Variants in RHOH observed in about 807,000 individuals in gnomAD.
RHOH encodes rho-related GTP-binding protein RhoH.
A neutral mutation model predicts 13.8 loss-of-function variants in RHOH; 6 were observed. The observed-to-expected ratio is 0.44, with a 90% CI of 0.24 to 0.86. The LOEUF (loss-of-function observed/expected upper bound fraction) is 0.86. Among genes scored for constraint, RHOH ranks in the 40% least tolerant of loss-of-function variants. The pLI is 0.24. For synonymous variants in RHOH, 117 were observed against 103.0 expected, an observed-to-expected ratio of 1.14 and a Z score of -0.82; for missense variants, 147 against 244.5, an observed-to-expected ratio of 0.60 and a Z score of 2.66.
At chr4:40,222,481 C>T (rs1726703748) in intron 1 of RHOH, among the ~76,000 whole-genome samples, 1 of 152,190 alleles carries the variant, frequency 6.6e-6, no homozygotes, top group African/African-American at 2.4e-5. Flanking sequence ...ATCTACTTTG[C>T]CTGTGCTCTA....
At chr4:40,204,944 C>T (rs113406317) in intron 1 of RHOH, among the ~76,000 whole-genome samples, 5 of 152,312 alleles carry the variant, frequency 3.3e-5, no homozygotes, top group Non-Finnish European at 7.4e-5. Flanking sequence ...TACTTATCAG[C>T]TCGTGATGCC....
chr4:40,205,053 A>G (rs1724485828), intron 1 of RHOH, among the ~76,000 whole-genome samples: 1 of 152,190 alleles, frequency 6.6e-6, no homozygotes, highest in Non-Finnish European at 1.5e-5. Context: ...ATCTGAGGTC[A>G]GGAGTTCGAA....
At chr4:40,229,103 T>C (rs1727584974) in intron 1 of RHOH, among the ~76,000 whole-genome samples, 1 of 152,188 alleles carries the variant, frequency 6.6e-6, no homozygotes, top group African/African-American at 2.4e-5. Context: ...GTAGAGTCTG[T>C]ATTGAAGCGC....
upstream of RHOH, chr4:40,192,874 A>C (rs756082834): frequency 2.0e-5 from 3 of 152,226 alleles, no homozygotes; most frequent in South Asian, 2.1e-4. Flanking sequence ...AATGGGGTGA[A>C]TCTTGGTTCT....
At chr4:40,224,140 T>C (rs1726946638) in intron 1 of RHOH, among the ~76,000 whole-genome samples, 1 of 152,208 alleles carries the variant, frequency 6.6e-6, no homozygotes, top group Non-Finnish European at 1.5e-5. Flanking sequence ...AGATTCACTT[T>C]ATTGCAGTGG....
At chr4:40,201,501 C>T (rs1723980577) in intron 1 of RHOH, among the ~76,000 whole-genome samples, 1 of 152,156 alleles carries the variant, frequency 6.6e-6, no homozygotes, top group Admixed American at 6.5e-5. Context: ...ATTGACTTCT[C>T]TTTATCTGTG....
chr4:40,220,802 A>C (rs1726468361), intron 1 of RHOH, among the ~76,000 whole-genome samples: 1 of 152,232 alleles, frequency 6.6e-6, no homozygotes, highest in Non-Finnish European at 1.5e-5. Flanking sequence ...TGCGTAAGCA[A>C]TGAACTGAAC....
chr4:40,209,208 AT>A lies in RHOH; in HGVS notation c.-331+11911del, dbSNP rs576872876. Reference sequence around the variant, plus strand: ...CTATAATTAAATTGTATCTAATAAAATTTAGAGGCTCTTTAGATTTAGAGGG... The same window carrying A: ...CTATAATTAAATTGTATCTAATAAAATTAGAGGCTCTTTAGATTTAGAGGG... On this transcript the variant is annotated intron_variant, in intron 1 of 2. Coordinates refer to ENST00000381799, the MANE Select transcript of RHOH (RefSeq NM_004310.5). Among the ~76,000 whole-genome samples, 503 of 152,276 alleles carry A rather than the reference AT, an allele frequency of 3.3e-3. 1 individual carries two copies. The highest frequency in any genetic ancestry group is 4.5e-3 in the Non-Finnish European group (306 of 68,022).
At chr4:40,193,020 A>C (rs2109325077), upstream of RHOH, 1 of 152,678 alleles carries the variant, frequency 6.5e-6, no homozygotes, top group South Asian at 2.1e-4. Context: ...GAATCAATCT[A>C]TTTATTGGTC....
At chr4:40,194,195 G>A (rs1722897057), upstream of RHOH, among the ~76,000 whole-genome samples, 1 of 150,626 alleles carries the variant, frequency 6.6e-6, no homozygotes, top group African/African-American at 2.4e-5. Flanking sequence ...TGAATTTTCT[G>A]AAGCATATCT....
intron 1 of RHOH, among the ~76,000 whole-genome samples, chr4:40,227,164 A>AAAC (rs1240775203): frequency 4.8e-5 from 5 of 104,240 alleles, no homozygotes; most frequent in African/African-American, 1.6e-4. Context: ...ACAAGCAAAC[A>AAAC]AAAAACAAAA....
At chr4:40,203,596 G>A (rs895205722) in intron 1 of RHOH, among the ~76,000 whole-genome samples, 2 of 151,900 alleles carry the variant, frequency 1.3e-5, no homozygotes, top group African/African-American at 4.8e-5. Flanking sequence ...CTACTTAAAG[G>A]CTCAGAATTG....
chr4:40,222,946 G>T (rs1333903389), intron 1 of RHOH, among the ~76,000 whole-genome samples: 1 of 152,214 alleles, frequency 6.6e-6, no homozygotes, highest in Non-Finnish European at 1.5e-5. Flanking sequence ...CAAGCCTCAT[G>T]ACTGACTTGA....
chr4:40,234,636 T>C (rs1010897384), intron 1 of RHOH, among the ~76,000 whole-genome samples: 2 of 152,164 alleles, frequency 1.3e-5, no homozygotes, highest in Non-Finnish European at 2.9e-5. Flanking sequence ...CAATGTTTTG[T>C]TTTAATTCAA....
intron 1 of RHOH, among the ~76,000 whole-genome samples, chr4:40,209,042 A>G (rs1307396882): frequency 2.6e-5 from 4 of 152,132 alleles, no homozygotes; most frequent in Non-Finnish European, 5.9e-5. Context: ...TATTGTTTGT[A>G]TATAAAAAAG....
intron 1 of RHOH, among the ~76,000 whole-genome samples, chr4:40,224,089 C>T (rs1430182945): frequency 6.6e-6 from 1 of 151,952 alleles, no homozygotes. Context: ...CTTTTATGTG[C>T]ACTAGGAAAC....
intron 1 of RHOH, among the ~76,000 whole-genome samples, chr4:40,232,430 G>A (rs940644050): frequency 5.0e-5 from 7 of 141,310 alleles, no homozygotes; most frequent in African/African-American, 1.8e-4. Context: ...GTGAGGCACC[G>A]GAGGCGGGGG....
upstream of RHOH, among the ~76,000 whole-genome samples, chr4:40,194,176 T>G (rs1049417956): frequency 1.3e-5 from 2 of 152,108 alleles, no homozygotes; most frequent in African/African-American, 2.4e-5. Context: ...TGAGAGAAAC[T>G]TTTTATCCTG....
In RHOH at chr4:40,246,900, T is replaced by C. The variant is rs1236890260; in HGVS notation, c.*2938T>C. ...GTACCTTTTTGTAGACTATTGCATA[T>C]CGATTCTTAACTATTCCAAGTAGCA... is the stretch of plus-strand genomic sequence containing the variant. On this transcript the variant is annotated 3_prime_UTR_variant, in exon 3 of 3. Transcript: ENST00000381799. 1 of 152,234 alleles carries C rather than the reference T, an allele frequency of 6.6e-6. No homozygotes were observed. The highest frequency in any genetic ancestry group is 1.5e-5 in the Non-Finnish European group (1 of 68,038). The allele number at this position is 152,234 out of a possible 1,614,324, so 9.4% of individuals were successfully genotyped here. A position where few individuals can be genotyped will look rare whatever the true frequency, so the allele number is the denominator to read the frequency against.
Sources: allele counts gnomAD v4.1 joint callset (sites outside exome capture counted in the v4.1 genomes callset), GRCh38; gene constraint gnomAD v4.1.1; transcripts MANE v1.5; gene names NCBI Gene and HGNC (gene_info 2026-07-23, HGNC 2026-07-21).